Variants in TRIM71 observed in about 807,000 individuals in gnomAD.
TRIM71 encodes E3 ubiquitin-protein ligase TRIM71.
A neutral mutation model predicts 61.2 loss-of-function variants in TRIM71; 9 were observed. That is an observed-to-expected ratio of 0.15 (90% CI 0.09 to 0.26). The LOEUF is 0.26. Among genes scored for constraint, TRIM71 ranks in the 10% least tolerant of loss-of-function variants. The pLI is 1.00. For synonymous variants in TRIM71, 645 were observed against 553.2 expected, an observed-to-expected ratio of 1.17 and a Z score of -2.33; for missense variants, 998 against 1,238.7, an observed-to-expected ratio of 0.81 and a Z score of 2.92.
At chr3:32,820,159 G>A (rs1467511702) in intron 1 of TRIM71, among the ~76,000 whole-genome samples, 2 of 152,224 alleles carry the variant, frequency 1.3e-5, no homozygotes, top group Non-Finnish European at 2.9e-5. Flanking sequence ...GACTGCAGAG[G>A]CTTTAAAAGC....
At chr3:32,870,815 CTGT>C (rs568925216) in intron 1 of TRIM71, among the ~76,000 whole-genome samples, 28 of 152,242 alleles carry the variant, frequency 1.8e-4, no homozygotes, top group African/African-American at 4.8e-4. Flanking sequence ...ACTACTTGTT[CTGT>C]TGTTGTTGTT....
chr3:32,860,335 T>A (rs1216593970), intron 1 of TRIM71, among the ~76,000 whole-genome samples: 1 of 152,046 alleles, frequency 6.6e-6, no homozygotes, highest in African/African-American at 2.4e-5. Context: ...TATTTTGTAT[T>A]TTTAATAGAT....
intron 1 of TRIM71, among the ~76,000 whole-genome samples, chr3:32,848,076 A>G (rs1175980359): frequency 1.3e-5 from 2 of 152,214 alleles, no homozygotes; most frequent in Non-Finnish European, 2.9e-5. Flanking sequence ...GGGGTCCTGG[A>G]CACGCAGTCT....
chr3:32,859,079 G>A (rs1696637853), intron 1 of TRIM71, among the ~76,000 whole-genome samples: 1 of 152,100 alleles, frequency 6.6e-6, no homozygotes, highest in African/African-American at 2.4e-5. Context: ...TCTGGGCAGT[G>A]GGTGCCTGTT....
chr3:32,884,212 A>G (rs909119928), intron 2 of TRIM71, among the ~76,000 whole-genome samples: 33 of 152,066 alleles, frequency 2.2e-4, no homozygotes, highest in African/African-American at 7.0e-4. Flanking sequence ...CGGCCTCCCA[A>G]AGTGCTGGGA....
rs1275922993 is a variant in TRIM71 at position 32,863,210 on chromosome 3, T to C, written c.853-10608T>C. On this transcript the variant is annotated intron_variant, in intron 1 of 3. Coordinates refer to ENST00000383763, the MANE Select transcript of TRIM71 (RefSeq NM_001039111.3). ...TTAATTGAACCTTTTTTTTTTTTTT[T>C]TTTTTTTTTTTGGAGCTGGTCTTGC... Among the ~76,000 whole-genome samples the C allele has an allele frequency of 2.1e-5, 3 of 143,082 alleles. No homozygotes were observed. The East Asian group carries it at 6.2e-4, about 30-fold the overall frequency. 93.9% of individuals were successfully genotyped at this position (143,082 alleles called of 152,430 possible). A position where few individuals can be genotyped will look rare whatever the true frequency, so the allele number is the denominator to read the frequency against.
intron 1 of TRIM71, among the ~76,000 whole-genome samples, chr3:32,827,174 C>A (rs925138032): frequency 5.3e-5 from 8 of 151,678 alleles, no homozygotes; most frequent in Admixed American, 5.3e-4. Context: ...TAGTCTTTAG[C>A]AATAAAAATA....
chr3:32,840,155 GTATT>G (rs1696387409), intron 1 of TRIM71, among the ~76,000 whole-genome samples: 1 of 152,114 alleles, frequency 6.6e-6, no homozygotes, highest in Non-Finnish European at 1.5e-5. Flanking sequence ...TGTACCCACT[GTATT>G]GTCAGTGGAA....
chr3:32,821,008 A>T (rs887934855), intron 1 of TRIM71, among the ~76,000 whole-genome samples: 1 of 152,220 alleles, frequency 6.6e-6, no homozygotes, highest in Admixed American at 6.5e-5. Context: ...TTGAGATTAA[A>T]GGTGACAAAC....
Position 32,892,121 on chromosome 3 carries a change from A to T in TRIM71, c.*310A>T. On this transcript the variant is annotated 3_prime_UTR_variant, in exon 4 of 4. Coordinates refer to ENST00000383763, the MANE Select transcript of TRIM71 (RefSeq NM_001039111.3). ...CAGGCCCTCTTCCCCTCCTCAGTGG[A>T]GTTTGCATTTCCCTCTTCCCCTGCG... The T allele has an allele frequency of 3.5e-6, 1 of 288,846 alleles. No individual in the cohort carries two copies. Among genetic ancestry groups the T allele is most frequent in the South Asian group, 4.1e-5 (1 of 24,302 alleles). 17.9% of individuals were successfully genotyped at this position (288,846 alleles called of 1,614,324 possible).
At chr3:32,825,953 ACT>A (rs1696195547) in intron 1 of TRIM71, among the ~76,000 whole-genome samples, 1 of 152,046 alleles carries the variant, frequency 6.6e-6, no homozygotes, top group Admixed American at 6.6e-5. Flanking sequence ...GATTGACAAG[ACT>A]CTGACTTGTC....
At chr3:32,834,479 G>A (rs1203073188) in intron 1 of TRIM71, among the ~76,000 whole-genome samples, 1 of 152,130 alleles carries the variant, frequency 6.6e-6, no homozygotes, top group Non-Finnish European at 1.5e-5. Flanking sequence ...AACATACACA[G>A]GCATACAATG....
chr3:32,865,815 CTTTTTTT>C (rs139123002), intron 1 of TRIM71, among the ~76,000 whole-genome samples: 4 of 16,296 alleles, frequency 2.5e-4, no homozygotes, highest in Admixed American at 1.2e-3. Context: ...CCCGCCCCAC[CTTTTTTT>C]TTTTTTTTTT....
intron 1 of TRIM71, among the ~76,000 whole-genome samples, chr3:32,825,489 A>C (rs1440020368): frequency 1.3e-5 from 2 of 152,122 alleles, no homozygotes; most frequent in Non-Finnish European, 2.9e-5. Context: ...GGCAAGGTTT[A>C]TTTTGTCTGT....
intron 1 of TRIM71, among the ~76,000 whole-genome samples, chr3:32,867,363 G>A (rs1424655771): frequency 1.3e-5 from 2 of 151,900 alleles, no homozygotes; most frequent in Non-Finnish European, 2.9e-5. Flanking sequence ...AAATGACATA[G>A]GTAAAAATGA....
rs372088601 is a variant in TRIM71, at chr3:32,890,690, C to G, written c.1486C>G (p.Arg496Gly). ...LTKATGDGLK[R>G]ALQGKVASFT... ...CAAGGCCACAGGCGATGGCCTCAAG[C>G]GTGCCCTCCAGGGTAAGGTGGCCTC... is the stretch of plus-strand genomic sequence containing the variant. Residue 496 changes from arginine (R) to glycine (G), a missense_variant, in exon 4 of 4, where the codon CGT becomes GGT. Physicochemically the swap from Arg to Gly is moderately radical, Grantham distance 125. Transcript: ENST00000383763. This position sits in a 1 kb window ranked among gnomAD's most constrained non-coding sequence, Gnocchi z 6.2. 8 of 1,613,884 alleles carry G rather than the reference C, an allele frequency of 5.0e-6. No individual in the cohort carries two copies. In the East Asian group the frequency reaches 1.8e-4, roughly 36 times the overall value.
intron 1 of TRIM71, among the ~76,000 whole-genome samples, chr3:32,824,759 C>T (rs191302235): frequency 4.1e-4 from 63 of 152,290 alleles, no homozygotes; most frequent in Middle Eastern, 3.4e-3. Context: ...GCTGGGATTT[C>T]AGTCATGAGC....
At chr3:32,834,742 C>T (rs75854973) in intron 1 of TRIM71, among the ~76,000 whole-genome samples, 50 of 152,060 alleles carry the variant, frequency 3.3e-4, no homozygotes, top group African/African-American at 1.1e-3. Flanking sequence ...CCCCGGATAC[C>T]GAGGCAGGAG....
chr3:32,836,676 C>T (rs756465290), intron 1 of TRIM71, among the ~76,000 whole-genome samples: 21 of 152,124 alleles, frequency 1.4e-4, no homozygotes, highest in Non-Finnish European at 2.8e-4. Flanking sequence ...GGTTTCTTGT[C>T]CTTTTTTTCT....
Sources: allele counts gnomAD v4.1 joint callset (sites outside exome capture counted in the v4.1 genomes callset), GRCh38; gene constraint gnomAD v4.1.1; non-coding constraint Gnocchi (gnomAD v3.1); transcripts MANE v1.5; gene names NCBI Gene and HGNC (gene_info 2026-07-23, HGNC 2026-07-21).